OSBPL6: variants seen among roughly 807,000 people sequenced by gnomAD.
OSBPL6 encodes oxysterol-binding protein-related protein 6.
A neutral mutation model predicts 125.8 loss-of-function variants in OSBPL6; 49 were observed. The observed-to-expected ratio is 0.39, with a 90% CI of 0.31 to 0.49. The LOEUF (loss-of-function observed/expected upper bound fraction) is 0.49. Ranked by LOEUF, OSBPL6 falls within the 20% of genes least tolerant of loss-of-function variation. The probability of loss-of-function intolerance (pLI) is 0.88; values close to 1 mark genes in which losing one functional copy is unlikely to be tolerated. For missense variants in OSBPL6, 986 were observed against 1,135.4 expected, an observed-to-expected ratio of 0.87 and a Z score of 1.89; for synonymous variants, 394 against 391.8, an observed-to-expected ratio of 1.01 and a Z score of -0.07.
At chr2:178,267,374 AAC>A (rs1210173543) in intron 1 of OSBPL6, among the ~76,000 whole-genome samples, 100 of 149,362 alleles carry the variant, frequency 6.7e-4, no homozygotes, top group African/African-American at 2.4e-3. Context: ...AAAAAAAAAA[AAC>A]AAAACAAGGT....
intron 15 of OSBPL6, among the ~76,000 whole-genome samples, chr2:178,380,027 C>T (rs1401460374): frequency 6.6e-6 from 1 of 152,028 alleles, no homozygotes; most frequent in Admixed American, 6.6e-5. Flanking sequence ...AAAATGTTTA[C>T]ATGACAAAAG....
chr2:178,350,905 G>C (rs541532049), intron 12 of OSBPL6, among the ~76,000 whole-genome samples: 5 of 152,262 alleles, frequency 3.3e-5, no homozygotes, highest in Non-Finnish European at 2.9e-5. Context: ...CAATTCTGAA[G>C]CTTCCAGGAA....
At chr2:178,351,074 A>G (rs1368907) in intron 12 of OSBPL6, among the ~76,000 whole-genome samples, 31,433 of 152,174 alleles carry the variant, frequency 0.21, 3,391 homozygotes, top group Admixed American at 0.29. Flanking sequence ...TGGTTTAGGT[A>G]TAGAAGGAAA....
chr2:178,213,370 C>T (rs1244607457), intron 1 of OSBPL6, among the ~76,000 whole-genome samples: 1 of 152,022 alleles, frequency 6.6e-6, no homozygotes, highest in African/African-American at 2.4e-5. Context: ...AAAACAGAAC[C>T]ATAGACCATG....
intron 1 of OSBPL6, among the ~76,000 whole-genome samples, chr2:178,223,681 T>A (rs1356080314): frequency 6.6e-6 from 1 of 152,150 alleles, no homozygotes; most frequent in Non-Finnish European, 1.5e-5. Context: ...TGGATTCCAT[T>A]TGGTTGGGTT....
At position 178,328,375 on chromosome 2, in the gene OSBPL6, C is replaced by G; in HGVS notation, c.315C>G (p.His105Gln). 5 of 1,612,500 alleles carry G rather than the reference C, an allele frequency of 3.1e-6. No individual in the cohort carries two copies. Among genetic ancestry groups the G allele is most frequent in the Non-Finnish European group, 4.2e-6 (5 of 1,179,522 alleles). Residue 105 changes from histidine to glutamine, a missense_variant, in exon 5 of 25, where the codon CAC becomes CAG. Physicochemically the swap from His to Gln is conservative, Grantham distance 24. This residue lies in a region of OSBPL6 where 13 missense variants were observed against 31.7 expected (regional missense o/e 0.41). Coordinates refer to ENST00000190611, the MANE Select transcript of OSBPL6 (RefSeq NM_032523.4). ...KKRKWPLKGWHKRFFVLDNGM... is the reference protein window; with the variant it reads ...KKRKWPLKGWQKRFFVLDNGM... ...GAAAATGGCCTTTAAAAGGCTGGCACAAGGTAACATTTTTATCATATTCAG... is the reference window on the plus strand; with the variant it reads ...GAAAATGGCCTTTAAAAGGCTGGCAGAAGGTAACATTTTTATCATATTCAG...
chr2:178,248,182 A>G (rs771120803), intron 1 of OSBPL6, among the ~76,000 whole-genome samples: 1 of 152,222 alleles, frequency 6.6e-6, no homozygotes, highest in African/African-American at 2.4e-5. Context: ...AGAAGACCAT[A>G]TTCTTTTTTG....
At chr2:178,223,391 T>C (rs1176795841) in intron 1 of OSBPL6, among the ~76,000 whole-genome samples, 1 of 152,240 alleles carries the variant, frequency 6.6e-6, no homozygotes, top group Non-Finnish European at 1.5e-5. Context: ...ATTAGAGACA[T>C]GGATTTCTTG....
rs1413574471 is a variant in OSBPL6 at position 178,306,142 on chromosome 2, T to A, written c.-43T>A. On this transcript the variant is annotated 5_prime_UTR_variant, in exon 3 of 25. Transcript: ENST00000190611. The stretch of plus-strand genomic sequence containing the variant: ...TTTGTTTGTGGATTTGAGAGAAGAT[T>A]GGGATGGTCTTAAGTGCATAAAACG... 2 of 1,163,470 alleles carry A rather than the reference T, an allele frequency of 1.7e-6. No homozygotes were observed. Among genetic ancestry groups the A allele is most frequent in the Non-Finnish European group, 2.6e-6 (2 of 776,938 alleles). 72.1% of individuals were successfully genotyped at this position (1,163,470 alleles called of 1,614,324 possible).
At chr2:178,278,017 A>C (rs1383224511) in intron 1 of OSBPL6, among the ~76,000 whole-genome samples, 3 of 151,690 alleles carry the variant, frequency 2.0e-5, no homozygotes, top group Admixed American at 6.6e-5. Flanking sequence ...CCCCTGCTCT[A>C]CTCTCCTCCT....
rs144846216 is a variant in OSBPL6, at chr2:178,329,027, C to G, written c.318+649C>G. 3.3e-5 allele frequency among the ~76,000 whole-genome samples: 5 copies of G among 152,280 alleles called. No homozygotes were observed. The East Asian group carries it at 7.7e-4, about 24-fold the overall frequency. ...CATGCATGTATCACTTTGGATGGATCTATATTATATATCCCACTGCTATCG... is the reference window on the plus strand; with the variant it reads ...CATGCATGTATCACTTTGGATGGATGTATATTATATATCCCACTGCTATCG... On this transcript the variant is annotated intron_variant, in intron 5 of 24. Transcript: ENST00000190611.
chr2:178,222,420 G>A (rs563038835), intron 1 of OSBPL6, among the ~76,000 whole-genome samples: 12 of 152,288 alleles, frequency 7.9e-5, no homozygotes, highest in African/African-American at 1.4e-4. Context: ...CCAGGCGGGC[G>A]GATCACGAGG....
chr2:178,314,088 A>C (rs1192586616), intron 3 of OSBPL6, among the ~76,000 whole-genome samples: 1 of 152,230 alleles, frequency 6.6e-6, no homozygotes, highest in African/African-American at 2.4e-5. Flanking sequence ...CCTCCGACTG[A>C]GCCTCTGTAG....
chr2:178,343,989 A>G (rs1322051824), intron 11 of OSBPL6, among the ~76,000 whole-genome samples: 2 of 152,196 alleles, frequency 1.3e-5, no homozygotes, highest in African/African-American at 2.4e-5. Context: ...TGAATAAAAC[A>G]GTATGCATAT....
intron 5 of OSBPL6, 34 bp downstream of exon 5, chr2:178,328,412 C>A: frequency 6.3e-7 from 1 of 1,597,966 alleles, no homozygotes; most frequent in Non-Finnish European, 8.5e-7. Flanking sequence ...TTCAGACCAT[C>A]TTCATAAATA....
In OSBPL6 at chr2:178,273,312, C is replaced by T. The variant is rs182069635; in HGVS notation, c.-350-11615C>T. 1.7e-3 allele frequency among the ~76,000 whole-genome samples: 258 copies of T among 152,164 alleles called. 1 individual carries two copies. The highest frequency in any genetic ancestry group is 0.01 in the Middle Eastern group (3 of 294). ...ATTAACTTAAGTATTTTAATATGGC[C>T]GGGCTGTGGCACATTCCTGTAGTCC... On this transcript the variant is annotated intron_variant, in intron 1 of 24. Coordinates refer to ENST00000190611, the MANE Select transcript of OSBPL6 (RefSeq NM_032523.4).
chr2:178,393,962 C>T (rs547933029), intron 23 of OSBPL6, among the ~76,000 whole-genome samples: 8 of 152,206 alleles, frequency 5.3e-5, no homozygotes, highest in Non-Finnish European at 1.0e-4. Context: ...ATGGCTATGA[C>T]TTCACGCTCT....
intron 13 of OSBPL6, 31 bp downstream of exon 13, chr2:178,361,846 T>C (rs1460908859): frequency 6.2e-7 from 1 of 1,613,114 alleles, no homozygotes; most frequent in Admixed American, 1.7e-5. Flanking sequence ...TGCATGTACA[T>C]GACACACTCC....
intron 1 of OSBPL6, among the ~76,000 whole-genome samples, chr2:178,227,923 A>G (rs982552040): frequency 1.3e-5 from 2 of 152,250 alleles, no homozygotes; most frequent in South Asian, 2.1e-4. Flanking sequence ...TGTTTTCTCT[A>G]TGAAGCATGT....
Sources: allele counts gnomAD v4.1 joint callset (sites outside exome capture counted in the v4.1 genomes callset), GRCh38; gene constraint gnomAD v4.1.1; regional missense constraint gnomAD v4.1.1; transcripts MANE v1.5; gene names NCBI Gene and HGNC (gene_info 2026-07-23, HGNC 2026-07-21).